Variants in PPARD observed in about 807,000 individuals in gnomAD.
PPARD encodes the protein peroxisome proliferator-activated receptor delta.
PPARD carries 6 observed loss-of-function variants against 39.5 expected under a neutral mutation model. The ratio of observed to expected loss-of-function variants is 0.15; its 90% CI spans 0.08 to 0.30. The LOEUF is 0.30. Ranked by LOEUF, PPARD falls within the 10% of genes least tolerant of loss-of-function variation. The pLI is 1.00. For missense variants in PPARD, 397 were observed against 596.8 expected, an observed-to-expected ratio of 0.67 and a Z score of 3.49; for synonymous variants, 210 against 231.3, an observed-to-expected ratio of 0.91 and a Z score of 0.83.
In PPARD at chr6:35,425,347, TCTGCATTTTTA is replaced by T. The variant is rs2150865862; in HGVS notation, c.1079-484_1079-474del. The T allele has an allele frequency of 2.0e-6, 2 of 1,011,070 alleles. No individual in the cohort carries two copies. The highest frequency in any genetic ancestry group is 4.2e-5 in the South Asian group (1 of 23,648). The allele number at this position is 1,011,070 out of a possible 1,614,324, so 62.6% of individuals were successfully genotyped here. ...GGGTGGAAAAATTGTCTGCATTTTTTCTGCATTTTTAAAATTCCAACACAATAAATACAATA... is the reference window on the plus strand; with the variant it reads ...GGGTGGAAAAATTGTCTGCATTTTTTAAATTCCAACACAATAAATACAATA... On this transcript the variant is annotated intron_variant, in intron 7 of 7. Transcript: ENST00000360694. The surrounding 1 kb of genome is among the most constrained non-coding windows in gnomAD (Gnocchi z 4.5).
intron 2 of PPARD, among the ~76,000 whole-genome samples, chr6:35,393,911 T>C (rs897336812): frequency 6.6e-6 from 1 of 152,186 alleles, no homozygotes; most frequent in African/African-American, 2.4e-5. Context: ...TTCTGTGAGA[T>C]TGAGCAGCAG....
chr6:35,354,226 C>G, intron 2 of PPARD, among the ~76,000 whole-genome samples: 1 of 119,298 alleles, frequency 8.4e-6, no homozygotes, highest in Non-Finnish European at 1.6e-5. Context: ...AGCGAGACTC[C>G]GTCTCAAAAA....
Position 35,410,975 on chromosome 6 carries a change from T to A in PPARD, c.-101-12T>A, listed in dbSNP as rs879854957. 17 of 1,270,682 alleles carry A rather than the reference T, an allele frequency of 1.3e-5. No individual in the cohort carries two copies. Among genetic ancestry groups the A allele is most frequent in the Non-Finnish European group, 1.7e-5 (17 of 998,752 alleles). The allele number at this position is 1,270,682 out of a possible 1,614,324, so 78.7% of individuals were successfully genotyped here. A position where few individuals can be genotyped will look rare whatever the true frequency, so the allele number is the denominator to read the frequency against. On this transcript the variant is annotated splice_polypyrimidine_tract_variant and intron_variant, in intron 2 of 7. Transcript: ENST00000360694. ...CCTCCCCTGACCTCTTCCTGTCTTC[T>A]CCTCTGCCCAGGCTGATGGGAACCA...
chr6:35,351,373 A>G (rs1237952712), intron 2 of PPARD, among the ~76,000 whole-genome samples: 1 of 152,190 alleles, frequency 6.6e-6, no homozygotes, highest in Non-Finnish European at 1.5e-5. Flanking sequence ...TATGTTTACC[A>G]TGTTAGAAGT....
rs1302821006 is a variant in PPARD at position 35,363,885 on chromosome 6, T to A, written c.-102+16735T>A. On this transcript the variant is annotated intron_variant, in intron 2 of 7. Transcript: ENST00000360694. The surrounding 1 kb of genome is among the most constrained non-coding windows in gnomAD (Gnocchi z 4.5). ...ATTCACCACTTTAAAGTGTGTACTT[T>A]GATGGTTTTTGTATATTAACTGTGT... Among the ~76,000 whole-genome samples the A allele has an allele frequency of 6.6e-6, 1 of 151,374 alleles. No individual in the cohort carries two copies. Among genetic ancestry groups the A allele is most frequent in the Non-Finnish European group, 1.5e-5 (1 of 67,876 alleles).
chr6:35,378,298 C>T (rs1238425595), intron 2 of PPARD, among the ~76,000 whole-genome samples: 1 of 152,148 alleles, frequency 6.6e-6, no homozygotes, highest in Non-Finnish European at 1.5e-5. Context: ...TTGAATTTCT[C>T]TGGCTGAGTA....
At chr6:35,371,338 C>A (rs1762470576) in intron 2 of PPARD, among the ~76,000 whole-genome samples, 1 of 152,112 alleles carries the variant, frequency 6.6e-6, no homozygotes. Context: ...TGTCAACATT[C>A]TTCAGGCTTC....
Position 35,412,042 on chromosome 6 carries a change from C to T in PPARD, c.130+825C>T, listed in dbSNP as rs1765465232. ...CTCCTGGGTTCAAGTGATTCTCCTG[C>T]CTCAGCCTCCCGAGTAGCTGGGATT... is the stretch of plus-strand genomic sequence containing the variant. On this transcript the variant is annotated intron_variant, in intron 3 of 7. Coordinates refer to ENST00000360694, the MANE Select transcript of PPARD (RefSeq NM_006238.5). This position sits in a 1 kb window ranked among gnomAD's most constrained non-coding sequence, Gnocchi z 4.1. Among the ~76,000 whole-genome samples, 1 of 152,196 alleles carries T rather than the reference C, an allele frequency of 6.6e-6. No individual in the cohort carries two copies. Among genetic ancestry groups the T allele is most frequent in the Non-Finnish European group, 1.5e-5 (1 of 68,034 alleles).
rs564989641 is a variant in PPARD at position 35,412,223 on chromosome 6, G to A, written c.130+1006G>A. On this transcript the variant is annotated intron_variant, in intron 3 of 7. Coordinates refer to ENST00000360694, the MANE Select transcript of PPARD (RefSeq NM_006238.5). This position sits in a 1 kb window ranked among gnomAD's most constrained non-coding sequence, Gnocchi z 4.1. ...TGGGATTACAAGCAGGAGCCACCGCGCCTGGCCTGATCCCTCTGCTTCTTG... is the reference window on the plus strand; with the variant it reads ...TGGGATTACAAGCAGGAGCCACCGCACCTGGCCTGATCCCTCTGCTTCTTG... 2.0e-5 allele frequency among the ~76,000 whole-genome samples: 3 copies of A among 152,130 alleles called. No homozygotes were observed. The highest frequency in any genetic ancestry group is 4.4e-5 in the Non-Finnish European group (3 of 68,032).
At position 35,424,746 on chromosome 6, in the gene PPARD, G is replaced by T. The variant is rs759390931; in HGVS notation, c.1045G>T (p.Ala349Ser). ...CCTGGAACTTGATGACAGTGACCTG[G>T]CCCTATTCATTGCGGCCATCATTCT... ...NALELDDSDLALFIAAIILCG... is the reference protein window; with the variant it reads ...NALELDDSDLSLFIAAIILCG... Residue 349 changes from alanine to serine, a missense_variant, in exon 7 of 8, where the codon GCC becomes TCC. Coordinates refer to ENST00000360694, the MANE Select transcript of PPARD (RefSeq NM_006238.5). This position sits in a 1 kb window ranked among gnomAD's most constrained non-coding sequence, Gnocchi z 7.1. 5.0e-6 allele frequency: 8 copies of T among 1,614,180 alleles called. No homozygotes were observed. The highest frequency in any genetic ancestry group is 1.3e-5 in the African/African-American group (1 of 75,056).
chr6:35,416,356 A>G (rs1025908127), intron 3 of PPARD, among the ~76,000 whole-genome samples: 1 of 111,792 alleles, frequency 8.9e-6, no homozygotes, highest in Non-Finnish European at 1.7e-5. Context: ...CCTGGGGAAC[A>G]AAAGCGAGAC....
At chr6:35,359,004 A>G (rs934899314) in intron 2 of PPARD, among the ~76,000 whole-genome samples, 2 of 145,952 alleles carry the variant, frequency 1.4e-5, no homozygotes, top group Admixed American at 6.7e-5. Context: ...GCAGTTCCAC[A>G]TAGAGGGCCG....
rs111501891 is a variant in PPARD at position 35,381,029 on chromosome 6, T to G, written c.-101-29958T>G. Among the ~76,000 whole-genome samples the G allele has an allele frequency of 9.7e-3, 1,474 of 152,236 alleles. 5 individuals carry two copies. Among genetic ancestry groups the G allele is most frequent in the Middle Eastern group, 0.017 (5 of 294 alleles). ...TCCACTTTCCTTTGCTCCTGCCTTT[T>G]GCATCTGTTCCTCTCTGCATTCTCC... On this transcript the variant is annotated intron_variant, in intron 2 of 7. Transcript: ENST00000360694.
intron 2 of PPARD, among the ~76,000 whole-genome samples, chr6:35,408,042 G>A (rs1370534883): frequency 1.3e-5 from 2 of 152,160 alleles, no homozygotes; most frequent in Non-Finnish European, 2.9e-5. Context: ...TCTGGAGGCC[G>A]GCATTGCAGG....
chr6:35,353,120 T>C (rs1761361369), intron 2 of PPARD, among the ~76,000 whole-genome samples: 1 of 152,188 alleles, frequency 6.6e-6, no homozygotes, highest in South Asian at 2.1e-4. Flanking sequence ...GAAGCTACTG[T>C]TAGTTAGGAA....
chr6:35,420,070 G>A (rs1003799986), intron 3 of PPARD, 57 bp from the exon 4 acceptor site: 84 of 1,583,492 alleles, frequency 5.3e-5, no homozygotes, highest in Non-Finnish European at 3.2e-5. Context: ...CTGTTCCCAC[G>A]CCCTGGCTTC....
rs567957288 is a variant in PPARD, at chr6:35,425,381, A to G, written c.1079-451A>G. 8.8e-6 allele frequency: 9 copies of G among 1,023,634 alleles called. 1 individual carries two copies. In the African/African-American group the frequency reaches 1.4e-4, roughly 16 times the overall value. The allele number at this position is 1,023,634 out of a possible 1,614,324, so 63.4% of individuals were successfully genotyped here. A position where few individuals can be genotyped will look rare whatever the true frequency, so the allele number is the denominator to read the frequency against. ...TTAAAATTCCAACACAATAAATACA[A>G]TAATAACTATGCTAACTAACAGTGG... On this transcript the variant is annotated intron_variant, in intron 7 of 7. Coordinates refer to ENST00000360694, the MANE Select transcript of PPARD (RefSeq NM_006238.5). The surrounding 1 kb of genome is among the most constrained non-coding windows in gnomAD (Gnocchi z 4.5).
chr6:35,365,127 A>ACTCTTTTT (rs1762133628), intron 2 of PPARD, among the ~76,000 whole-genome samples: 104 of 108,614 alleles, frequency 9.6e-4, no homozygotes, highest in African/African-American at 4.7e-3. Flanking sequence ...GAGCTTCCTT[A>ACTCTTTTT]TTCTTTTTTT....
chr6:35,388,757 G>A (rs946966911), intron 2 of PPARD, among the ~76,000 whole-genome samples: 1 of 152,036 alleles, frequency 6.6e-6, no homozygotes, highest in African/African-American at 2.4e-5. Flanking sequence ...AAAAGGGGAG[G>A]CGGGCATTTC....
Sources: gnomAD v4.1 joint callset for allele counts (sites outside exome capture counted in the v4.1 genomes callset) on GRCh38, gnomAD v4.1.1 for gene constraint, Gnocchi (gnomAD v3.1) non-coding constraint, MANE v1.5 for transcripts, NCBI Gene and HGNC (gene_info 2026-07-23, HGNC 2026-07-21) for gene names.